The following SLC35F1 variants were observed in gnomAD, a reference collection of about 807,000 sequenced individuals.
SLC35F1 encodes chromosome 6 open reading frame 169.
A neutral mutation model predicts 48.7 loss-of-function variants in SLC35F1; 14 were observed. The observed-to-expected ratio is 0.29, with a 90% CI of 0.19 to 0.45. SLC35F1 has a LOEUF of 0.45. Among genes scored for constraint, SLC35F1 ranks in the 20% least tolerant of loss-of-function variants. SLC35F1 has a pLI of 1.00. For missense variants in SLC35F1, 404 were observed against 500.0 expected, an observed-to-expected ratio of 0.81 and a Z score of 1.83; for synonymous variants, 190 against 202.2, an observed-to-expected ratio of 0.94 and a Z score of 0.51.
At chr6:117,910,753 C>T (rs970034777) in intron 1 of SLC35F1, among the ~76,000 whole-genome samples, 6 of 152,068 alleles carry the variant, frequency 3.9e-5, no homozygotes, top group East Asian at 1.9e-4. Context: ...TGCAATGGGA[C>T]GAGAAATATT....
At chr6:118,172,113 C>A (rs1342054372) in intron 2 of SLC35F1, among the ~76,000 whole-genome samples, 1 of 151,910 alleles carries the variant, frequency 6.6e-6, no homozygotes, top group Non-Finnish European at 1.5e-5. Context: ...ATCATGTAAG[C>A]CAGAGTACTT....
intron 1 of SLC35F1, among the ~76,000 whole-genome samples, chr6:118,050,668 CT>C (rs1169748775): frequency 1.3e-5 from 2 of 152,054 alleles, no homozygotes; most frequent in East Asian, 3.9e-4. Flanking sequence ...AAGAAATTCC[CT>C]GTTGAATCCT....
intron 7 of SLC35F1, among the ~76,000 whole-genome samples, chr6:118,310,363 G>C (rs776717391): frequency 6.6e-6 from 1 of 152,082 alleles, no homozygotes; most frequent in Non-Finnish European, 1.5e-5. Flanking sequence ...AGCCTAGATT[G>C]TACAATACTT....
chr6:118,311,278 C>T, intron 7 of SLC35F1, among the ~76,000 whole-genome samples: 1 of 152,190 alleles, frequency 6.6e-6, no homozygotes, highest in East Asian at 1.9e-4. Context: ...TAGAAAGGCA[C>T]TGCATTATCT....
chr6:118,199,420 T>C (rs1460537065), intron 2 of SLC35F1, among the ~76,000 whole-genome samples: 1 of 152,240 alleles, frequency 6.6e-6, no homozygotes, highest in African/African-American at 2.4e-5. Context: ...TGTAACAACT[T>C]GTAAGGCTAC....
intron 3 of SLC35F1, among the ~76,000 whole-genome samples, chr6:118,240,001 G>A (rs1775415335): frequency 6.6e-6 from 1 of 152,174 alleles, no homozygotes; most frequent in African/African-American, 2.4e-5. Context: ...GAACTGACAA[G>A]TACCTACTAC....
At chr6:118,054,164 T>C (rs1772430562) in intron 1 of SLC35F1, among the ~76,000 whole-genome samples, 1 of 152,218 alleles carries the variant, frequency 6.6e-6, no homozygotes, top group African/African-American at 2.4e-5. Context: ...TTTGGAGTCT[T>C]GATTTCTTTC....
intron 1 of SLC35F1, among the ~76,000 whole-genome samples, chr6:117,926,497 AGT>A (rs141230063): frequency 2.3e-4 from 35 of 151,590 alleles, no homozygotes; most frequent in African/African-American, 5.1e-4. Context: ...TTAAAAGAGG[AGT>A]GTGTGTGTGT....
chr6:117,932,245 GA>G (rs1355044026), intron 1 of SLC35F1, among the ~76,000 whole-genome samples: 1 of 152,222 alleles, frequency 6.6e-6, no homozygotes, highest in Non-Finnish European at 1.5e-5. Flanking sequence ...AGAACTGTGA[GA>G]AATACATTTC....
chr6:117,976,271 G>A (rs1776704665), intron 1 of SLC35F1, among the ~76,000 whole-genome samples: 1 of 152,164 alleles, frequency 6.6e-6, no homozygotes, highest in Non-Finnish European at 1.5e-5. Flanking sequence ...GTGGCAACAA[G>A]ACATTTACTC....
intron 1 of SLC35F1, among the ~76,000 whole-genome samples, chr6:118,098,663 G>C (rs1409581118): frequency 6.6e-6 from 1 of 152,008 alleles, no homozygotes; most frequent in East Asian, 1.9e-4. Flanking sequence ...AGTTGCTGTT[G>C]CCTGTATTCT....
At chr6:117,999,718 G>C (rs1034661780) in intron 1 of SLC35F1, among the ~76,000 whole-genome samples, 1 of 151,656 alleles carries the variant, frequency 6.6e-6, no homozygotes, top group Non-Finnish European at 1.5e-5. Flanking sequence ...TAATAAAGAA[G>C]AAAAGAGAGA....
chr6:118,305,970 A>G (rs530277803), intron 7 of SLC35F1, among the ~76,000 whole-genome samples: 1 of 152,238 alleles, frequency 6.6e-6, no homozygotes, highest in South Asian at 2.1e-4. Context: ...GATTTATTGT[A>G]GTTTCTATTG....
At chr6:118,142,189 T>C (rs1773900250) in intron 1 of SLC35F1, among the ~76,000 whole-genome samples, 1 of 152,200 alleles carries the variant, frequency 6.6e-6, no homozygotes, top group African/African-American at 2.4e-5. Flanking sequence ...GAGCTTTTTA[T>C]AAACCTCATA....
At chr6:117,925,681 T>C (rs1198086165) in intron 1 of SLC35F1, among the ~76,000 whole-genome samples, 26 of 152,110 alleles carry the variant, frequency 1.7e-4, no homozygotes. Flanking sequence ...TTTCTTTCAG[T>C]CTGGACACAT....
intron 1 of SLC35F1, among the ~76,000 whole-genome samples, chr6:117,983,222 G>T (rs1776804775): frequency 6.6e-6 from 1 of 152,156 alleles, no homozygotes; most frequent in Admixed American, 6.5e-5. Context: ...GGTGATAGAT[G>T]AGTCTGAGGC....
intron 1 of SLC35F1, among the ~76,000 whole-genome samples, chr6:118,085,328 C>T (rs1417277372): frequency 6.6e-6 from 1 of 152,056 alleles, no homozygotes; most frequent in Non-Finnish European, 1.5e-5. Flanking sequence ...CTAGCTTGGA[C>T]CAAATCCCCT....
At chr6:117,990,418 G>A (rs1462175640) in intron 1 of SLC35F1, among the ~76,000 whole-genome samples, 1 of 152,138 alleles carries the variant, frequency 6.6e-6, no homozygotes, top group Non-Finnish European at 1.5e-5. Context: ...GTCTTCTCTG[G>A]TTTATCTGGT....
intron 1 of SLC35F1, among the ~76,000 whole-genome samples, chr6:118,016,807 C>G (rs368875218): frequency 6.6e-6 from 1 of 152,196 alleles, no homozygotes; most frequent in Admixed American, 6.5e-5. Flanking sequence ...ACTTTTGAGG[C>G]TAAAAGGCAT....
Sources: gnomAD v4.1 joint callset for allele counts (sites outside exome capture counted in the v4.1 genomes callset) on GRCh38, gnomAD v4.1.1 for gene constraint, MANE v1.5 for transcripts, NCBI Gene and HGNC (gene_info 2026-07-23, HGNC 2026-07-21) for gene names.